Variants in SCLT1 observed in about 807,000 individuals in gnomAD.
The protein encoded by SCLT1 is sodium channel and clathrin linker 1.
Under a neutral mutation model 112.8 loss-of-function variants are expected in SCLT1, and 78 were observed. The observed-to-expected ratio is 0.69, with a 90% CI of 0.58 to 0.83. SCLT1 has a LOEUF of 0.83. Among genes scored for constraint, SCLT1 ranks in the 40% least tolerant of loss-of-function variants. The pLI is 0.00. For synonymous variants in SCLT1, 257 were observed against 254.7 expected (o/e 1.01, Z -0.09); for missense variants, 747 against 770.4 (o/e 0.97, Z 0.36).
At chr4:129,025,076 G>C (rs1352152188) in intron 5 of SCLT1, among the ~76,000 whole-genome samples, 2 of 152,330 alleles carry the variant, frequency 1.3e-5, no homozygotes, top group East Asian at 1.9e-4. Flanking sequence ...CGTCTGATTG[G>C]TGTACCTGAA....
chr4:129,043,560 G>A, intron 3 of SCLT1, 93 bp from the exon 4 acceptor site: 1 of 612,166 alleles, frequency 1.6e-6, no homozygotes. Flanking sequence ...AAAATTTTAT[G>A]TTTAGTTTAC....
chr4:128,886,422 T>C (rs1178608098), intron 20 of SCLT1, among the ~76,000 whole-genome samples: 10 of 152,196 alleles, frequency 6.6e-5, no homozygotes, highest in Non-Finnish European at 2.9e-5. Context: ...ATATTATTTC[T>C]AATAGCACTT....
At chr4:128,881,012 T>C (rs1448708237), downstream of SCLT1, among the ~76,000 whole-genome samples, 23 of 152,170 alleles carry the variant, frequency 1.5e-4, no homozygotes, top group Non-Finnish European at 1.5e-5. Flanking sequence ...GTACCAGTGT[T>C]GTAAAAAATT....
At chr4:128,917,810 T>C (rs1438690593) in intron 18 of SCLT1, among the ~76,000 whole-genome samples, 1 of 152,186 alleles carries the variant, frequency 6.6e-6, no homozygotes, top group Admixed American at 6.6e-5. Context: ...TTTACAATAC[T>C]GCACACTTGG....
At chr4:128,972,201 A>G (rs1560911191) in intron 9 of SCLT1, 1 of 152,090 alleles carries the variant, frequency 6.6e-6, no homozygotes, top group Non-Finnish European at 1.5e-5. Flanking sequence ...AATCCTATAT[A>G]TTTTTAAAGG....
chr4:128,960,773 A>G (rs1189072017), intron 11 of SCLT1, among the ~76,000 whole-genome samples: 2 of 149,210 alleles, frequency 1.3e-5, no homozygotes, highest in African/African-American at 5.0e-5. Context: ...ACAAAAAATT[A>G]GCCGGGCTCG....
At position 128,908,422 on chromosome 4, in the gene SCLT1, A is replaced by C. The variant is rs527579615; in HGVS notation, c.1830-17285T>G. ...AAGAAAAAAACAGTTACAGCAGCCA[A>C]ACATTACAGATATACAGCCAAGGAA... is the stretch of plus-strand genomic sequence containing the variant. On this transcript the variant is annotated intron_variant, in intron 18 of 20. Coordinates refer to ENST00000281142, the MANE Select transcript of SCLT1 (RefSeq NM_144643.4). Among the ~76,000 whole-genome samples, 22 of 152,062 alleles carry C rather than the reference A, an allele frequency of 1.4e-4. No individual in the cohort carries two copies. The East Asian group carries it at 4.1e-3, about 28-fold the overall frequency.
chr4:128,904,635 T>C (rs1174502322), intron 18 of SCLT1, among the ~76,000 whole-genome samples: 3 of 152,154 alleles, frequency 2.0e-5, no homozygotes, highest in Non-Finnish European at 4.4e-5. Context: ...CTAAATCATA[T>C]TGTTTCCCAC....
chr4:128,874,607 C>G (rs1042272110), intron 4 of SCLT1: 2 of 152,540 alleles, frequency 1.3e-5, no homozygotes, highest in East Asian at 3.8e-4. Flanking sequence ...GTTTCTCTGA[C>G]AGTATAATGA....
At chr4:129,023,587 T>C (rs1169030794) in intron 5 of SCLT1, among the ~76,000 whole-genome samples, 1 of 152,096 alleles carries the variant, frequency 6.6e-6, no homozygotes, top group Non-Finnish European at 1.5e-5. Flanking sequence ...ACAGCTCGGG[T>C]CTACAGCTCC....
In SCLT1 at chr4:128,912,462, G is replaced by T. The variant is rs370610466; in HGVS notation, c.1830-21325C>A. Among the ~76,000 whole-genome samples, 14 of 152,034 alleles carry T rather than the reference G, an allele frequency of 9.2e-5. No homozygotes were observed. The East Asian group carries it at 9.6e-4, about 10-fold the overall frequency. ...TTATAAATCTATTATGACTGTCATA[G>T]AATTTTGTATTATGACCAATAGGTA... On this transcript the variant is annotated intron_variant, in intron 18 of 20. Transcript: ENST00000281142.
intron 5 of SCLT1, among the ~76,000 whole-genome samples, chr4:129,013,191 C>A (rs1475252861): frequency 6.6e-6 from 1 of 152,068 alleles, no homozygotes; most frequent in Non-Finnish European, 1.5e-5. Context: ...CCTCTTTGTG[C>A]TTGTAAGTTC....
intron 14 of SCLT1, chr4:128,952,487 A>C (rs1738841089): frequency 1.9e-6 from 1 of 532,602 alleles, no homozygotes; most frequent in South Asian, 1.6e-5. Context: ...AGATAAACTC[A>C]GCATATGATA....
At chr4:129,015,717 A>G (rs879385463) in intron 5 of SCLT1, among the ~76,000 whole-genome samples, 3 of 152,102 alleles carry the variant, frequency 2.0e-5, no homozygotes, top group Admixed American at 1.3e-4. Flanking sequence ...TCCTCCTGCT[A>G]GGGTTCCAGA....
intron 9 of SCLT1, among the ~76,000 whole-genome samples, chr4:128,974,494 T>C (rs1740973906): frequency 6.6e-6 from 1 of 151,944 alleles, no homozygotes; most frequent in Non-Finnish European, 1.5e-5. Flanking sequence ...GGTGGCTCAA[T>C]GTGGAGACAA....
chr4:129,066,462 C>A (rs1033074118), intron 2 of SCLT1, among the ~76,000 whole-genome samples: 3 of 151,910 alleles, frequency 2.0e-5, no homozygotes, highest in Admixed American at 2.0e-4. Flanking sequence ...CTCTTATAGA[C>A]CATGAATTAG....
chr4:128,927,246 T>C (rs1406646256), intron 18 of SCLT1, among the ~76,000 whole-genome samples: 3 of 152,176 alleles, frequency 2.0e-5, no homozygotes, highest in African/African-American at 4.8e-5. Context: ...GAAAATGTAC[T>C]TATACATAAC....
chr4:128,878,750 G>C (rs866476773), intron 3 of SCLT1, among the ~76,000 whole-genome samples: 18 of 152,094 alleles, frequency 1.2e-4, no homozygotes, highest in African/African-American at 3.9e-4. Context: ...TTCAAAAGAG[G>C]TATTAAGCTA....
chr4:129,025,878 A>G (rs888757604), intron 5 of SCLT1, among the ~76,000 whole-genome samples: 2 of 152,156 alleles, frequency 1.3e-5, no homozygotes, highest in East Asian at 3.9e-4. Flanking sequence ...ATGGAAAACA[A>G]AAAAAGGCAG....
Sources: gnomAD v4.1 joint callset for allele counts (sites outside exome capture counted in the v4.1 genomes callset) on GRCh38, gnomAD v4.1.1 for gene constraint, MANE v1.5 for transcripts, NCBI Gene and HGNC (gene_info 2026-07-23, HGNC 2026-07-21) for gene names.